Variants in SLC14A2 observed in about 807,000 individuals in gnomAD.
SLC14A2 encodes the protein solute carrier family 14 member 2.
In SLC14A2, 91 loss-of-function variants were observed where a neutral mutation model predicts 104.6. That is an observed-to-expected ratio of 0.87 (90% CI 0.73 to 1.04). The LOEUF (loss-of-function observed/expected upper bound fraction) is 1.04. SLC14A2 is among the 50% of genes least tolerant of loss of function. The probability of loss-of-function intolerance (pLI) is 0.00; values close to 1 mark genes in which losing one functional copy is unlikely to be tolerated. For missense variants in SLC14A2, 1,189 were observed against 1,156.0 expected (o/e 1.03, Z -0.41); for synonymous variants, 476 against 466.4 (o/e 1.02, Z -0.27).
intron 1 of SLC14A2, among the ~76,000 whole-genome samples, chr18:45,321,645 C>A (rs1036599572): frequency 2.0e-5 from 3 of 152,144 alleles, no homozygotes; most frequent in Non-Finnish European, 4.4e-5. Context: ...AGCGCCCGTG[C>A]TATTATAAAG....
intron 1 of SLC14A2, among the ~76,000 whole-genome samples, chr18:45,438,942 G>C (rs1472994501): frequency 1.3e-5 from 2 of 152,038 alleles, no homozygotes; most frequent in African/African-American, 4.8e-5. Context: ...GTTACCTAGG[G>C]CCTATAACCT....
chr18:45,172,108 G>C, the SLC14A2 span, among the ~76,000 whole-genome samples: 10 of 152,034 alleles, frequency 6.6e-5, no homozygotes, highest in African/African-American at 2.4e-4. Flanking sequence ...AATAAGATTT[G>C]GCTTCGCTCA....
chr18:45,382,974 T>C lies in SLC14A2; in HGVS notation c.-124-100259T>C, dbSNP rs547116462. 1.2e-4 allele frequency among the ~76,000 whole-genome samples: 18 copies of C among 152,324 alleles called. No individual in the cohort carries two copies. The South Asian group carries it at 2.9e-3, about 25-fold the overall frequency. On this transcript the variant is annotated intron_variant, in intron 1 of 20. Transcript: ENST00000586448. ...ATATTGGTTGTCTCCAATGCAGTGT[T>C]GAGAAGGATTCTAAGTGTTGTTCAG...
At chr18:45,424,633 A>G (rs1229352754) in intron 1 of SLC14A2, among the ~76,000 whole-genome samples, 1 of 152,228 alleles carries the variant, frequency 6.6e-6, no homozygotes, top group Non-Finnish European at 1.5e-5. Flanking sequence ...ATTTATAATC[A>G]TCTCCATTGA....
intron 1 of SLC14A2, among the ~76,000 whole-genome samples, chr18:45,298,587 T>C (rs2084938750): frequency 6.6e-6 from 1 of 152,230 alleles, no homozygotes; most frequent in East Asian, 1.9e-4. Flanking sequence ...CTGTTTAGAT[T>C]AGTAAACCTG....
chr18:45,245,953 C>T (rs1458467595), intron 1 of SLC14A2, among the ~76,000 whole-genome samples: 1 of 152,180 alleles, frequency 6.6e-6, no homozygotes, highest in Non-Finnish European at 1.5e-5. Context: ...AAAAGTAAGT[C>T]ATGTTTCTAG....
At chr18:45,175,294 A>AAAGG in the SLC14A2 span, among the ~76,000 whole-genome samples, 1 of 152,184 alleles carries the variant, frequency 6.6e-6, no homozygotes, top group African/African-American at 2.4e-5. Flanking sequence ...TAACTTTAAA[A>AAAGG]AAGGAAGGAG....
At chr18:45,583,416 C>G (rs1174572852) in intron 2 of SLC14A2, among the ~76,000 whole-genome samples, 1 of 152,206 alleles carries the variant, frequency 6.6e-6, no homozygotes, top group African/African-American at 2.4e-5. Flanking sequence ...TTATCTTTGC[C>G]TTGGAAATCT....
chr18:45,444,117 A>T (rs2705377), intron 1 of SLC14A2, among the ~76,000 whole-genome samples: 6 of 152,108 alleles, frequency 3.9e-5, no homozygotes, highest in Non-Finnish European at 8.8e-5. Context: ...CTGTGGAACC[A>T]TCAGCAATGT....
At chr18:45,620,341 G>A (rs1361983508) in intron 1 of SLC14A2, among the ~76,000 whole-genome samples, 1 of 152,222 alleles carries the variant, frequency 6.6e-6, no homozygotes, top group African/African-American at 2.4e-5. Flanking sequence ...CATTTTCTGG[G>A]TCCTGCAAAT....
intron 1 of SLC14A2, among the ~76,000 whole-genome samples, chr18:45,346,823 G>A (rs548349151): frequency 4.6e-5 from 7 of 152,048 alleles, no homozygotes; most frequent in East Asian, 1.9e-4. Context: ...TTAGCCTGGC[G>A]TGGTGGCGGG....
At chr18:45,192,831 T>C in the SLC14A2 span, among the ~76,000 whole-genome samples, 1 of 152,184 alleles carries the variant, frequency 6.6e-6, no homozygotes, top group South Asian at 2.1e-4. Context: ...TAATTTTTTG[T>C]ATTTTTAGTA....
chr18:45,231,350 G>T (rs889454654), intron 1 of SLC14A2, among the ~76,000 whole-genome samples: 1 of 152,034 alleles, frequency 6.6e-6, no homozygotes, highest in East Asian at 1.9e-4. Flanking sequence ...CTACTAGCAT[G>T]CATCACCATG....
Position 45,394,088 on chromosome 18 carries a change from A to G in SLC14A2, c.-124-89145A>G, listed in dbSNP as rs180804058. On this transcript the variant is annotated intron_variant, in intron 1 of 20. Coordinates refer to the SLC14A2 transcript ENST00000586448. ...ATTTGCCCTCTTAAAGAAACCAGAA[A>G]TATTATGAACATTGATTACTTTGCT... Among the ~76,000 whole-genome samples the G allele has an allele frequency of 3.3e-5, 5 of 152,340 alleles. 1 individual carries two copies. Among genetic ancestry groups the G allele is most frequent in the Admixed American group, 3.3e-4 (5 of 15,304 alleles).
At chr18:45,548,889 G>A (rs369413231) in intron 2 of SLC14A2, among the ~76,000 whole-genome samples, 7 of 152,172 alleles carry the variant, frequency 4.6e-5, no homozygotes, top group African/African-American at 1.7e-4. Context: ...ATGCAGCCAA[G>A]TGTAGGACTG....
intron 1 of SLC14A2, among the ~76,000 whole-genome samples, chr18:45,469,398 C>T (rs576261738): frequency 4.6e-5 from 7 of 152,236 alleles, no homozygotes; most frequent in African/African-American, 1.7e-4. Context: ...GCTGAATCAA[C>T]AGGAGAGGGT....
chr18:45,345,737 A>G (rs1046966509), intron 1 of SLC14A2, among the ~76,000 whole-genome samples: 1 of 152,192 alleles, frequency 6.6e-6, no homozygotes, highest in Non-Finnish European at 1.5e-5. Flanking sequence ...CCTTTGATAG[A>G]TCTGAGAGTT....
chr18:45,565,660 C>T (rs373641293), intron 2 of SLC14A2, among the ~76,000 whole-genome samples: 2 of 152,192 alleles, frequency 1.3e-5, no homozygotes, highest in South Asian at 2.1e-4. Flanking sequence ...CCAGGCATCC[C>T]GACAGCATTT....
chr18:45,232,057 TG>T (rs1323235354), intron 1 of SLC14A2, among the ~76,000 whole-genome samples: 6 of 149,848 alleles, frequency 4.0e-5, no homozygotes, highest in Non-Finnish European at 1.5e-5. Flanking sequence ...AACAAAATGA[TG>T]AGTGAATGAA....
Sources: allele counts gnomAD v4.1 joint callset (sites outside exome capture counted in the v4.1 genomes callset), GRCh38; gene constraint gnomAD v4.1.1; transcripts MANE v1.5; gene names NCBI Gene and HGNC (gene_info 2026-07-23, HGNC 2026-07-21).